Variants in PARPBP observed in about 807,000 individuals in gnomAD.
PARPBP encodes the protein PCNA-interacting partner.
Under a neutral mutation model 50.0 loss-of-function variants are expected in PARPBP, and 52 were observed. The ratio of observed to expected loss-of-function variants is 1.04; its 90% CI spans 0.83 to 1.31. The LOEUF is 1.31. PARPBP is among the 50% of genes most tolerant of loss of function. PARPBP has a pLI of 0.00. For synonymous variants in PARPBP, 244 were observed against 232.1 expected (o/e 1.05, Z -0.47); for missense variants, 697 against 672.0 (o/e 1.04, Z -0.41).
At chr12:102,188,178 G>C (rs1259595657) in intron 9 of PARPBP, among the ~76,000 whole-genome samples, 1 of 152,002 alleles carries the variant, frequency 6.6e-6, no homozygotes, top group South Asian at 2.1e-4. Context: ...GTAGTTGTGT[G>C]GGGAGGTAGG....
chr12:102,165,638 C>A, intron 5 of PARPBP, 91 bp from the exon 6 acceptor site: 1 of 1,019,160 alleles, frequency 9.8e-7, no homozygotes, highest in South Asian at 1.5e-5. Flanking sequence ...AACTGTATAC[C>A]CAGAATTATA....
intron 2 of PARPBP, among the ~76,000 whole-genome samples, chr12:102,138,929 C>A (rs1884106515): frequency 6.6e-6 from 1 of 152,164 alleles, no homozygotes; most frequent in Non-Finnish European, 1.5e-5. Context: ...CGTGATGCCT[C>A]CAGCTTTGTT....
chr12:102,128,449 T>A (rs993553403), intron 2 of PARPBP, among the ~76,000 whole-genome samples: 1 of 152,204 alleles, frequency 6.6e-6, no homozygotes, highest in African/African-American at 2.4e-5. Context: ...GCCAGGATGG[T>A]CTCGATTTCC....
chr12:102,183,011 A>C (rs899713610), intron 9 of PARPBP, among the ~76,000 whole-genome samples: 35 of 152,202 alleles, frequency 2.3e-4, no homozygotes, highest in African/African-American at 8.0e-4. Flanking sequence ...CTGAAGATAT[A>C]ATGGCAGAAT....
intron 2 of PARPBP, among the ~76,000 whole-genome samples, chr12:102,137,553 G>C (rs891524673): frequency 3.3e-5 from 5 of 151,172 alleles, no homozygotes; most frequent in Non-Finnish European, 5.9e-5. Context: ...TGTGCACAAC[G>C]TGCAGGTTTG....
At chr12:102,175,342 T>A (rs1264723181) in intron 6 of PARPBP, 141 bp from the exon 7 acceptor site, 1 of 490,296 alleles carries the variant, frequency 2.0e-6, no homozygotes, top group Non-Finnish European at 3.4e-6. Context: ...TATCTTTTTC[T>A]TAAATGCTTT....
chr12:102,168,366 A>G (rs1888361981), intron 6 of PARPBP, among the ~76,000 whole-genome samples: 1 of 152,154 alleles, frequency 6.6e-6, no homozygotes, highest in Non-Finnish European at 1.5e-5. Flanking sequence ...TATTTTGGAT[A>G]TTCCATGTGG....
chr12:102,160,472 A>G (rs1887443018), intron 4 of PARPBP, among the ~76,000 whole-genome samples: 1 of 152,242 alleles, frequency 6.6e-6, no homozygotes, highest in Non-Finnish European at 1.5e-5. Flanking sequence ...TACAATGTGA[A>G]TGTCACTTTT....
At chr12:102,134,575 G>A (rs957806266) in intron 2 of PARPBP, among the ~76,000 whole-genome samples, 1 of 152,186 alleles carries the variant, frequency 6.6e-6, no homozygotes, top group African/African-American at 2.4e-5. Flanking sequence ...GCATGCAGAA[G>A]GGGGAACACT....
intron 6 of PARPBP, among the ~76,000 whole-genome samples, chr12:102,171,626 G>GGAGGCC (rs1888742638): frequency 6.6e-6 from 1 of 152,062 alleles, no homozygotes; most frequent in Admixed American, 6.6e-5. Context: ...CAACACTTTG[G>GGAGGCC]GAGGCCGAGG....
At chr12:102,169,652 C>T (rs75086899) in intron 6 of PARPBP, among the ~76,000 whole-genome samples, 5,694 of 152,162 alleles carry the variant, frequency 0.037, 147 homozygotes, top group African/African-American at 0.069. Context: ...GACCTTTTCA[C>T]GTGTCACTGA....
At chr12:102,191,972 C>G (rs1890830078) in intron 9 of PARPBP, among the ~76,000 whole-genome samples, 1 of 152,106 alleles carries the variant, frequency 6.6e-6, no homozygotes, top group Admixed American at 6.6e-5. Context: ...AGATTTGCAA[C>G]AGGAAGTAAT....
At chr12:102,181,335 C>T (rs149195086) in intron 8 of PARPBP, among the ~76,000 whole-genome samples, 69 of 152,128 alleles carry the variant, frequency 4.5e-4, no homozygotes, top group African/African-American at 1.6e-3. Context: ...TTATAAAGTA[C>T]AGTTATGCAT....
At chr12:102,178,810 T>G in intron 8 of PARPBP, 40 bp downstream of exon 8, 2 of 1,278,874 alleles carry the variant, frequency 1.6e-6, no homozygotes. Flanking sequence ...AAATGTTAAC[T>G]CTAGAGAATT....
At chr12:102,141,757 C>G (rs962470350) in intron 2 of PARPBP, among the ~76,000 whole-genome samples, 58 of 152,240 alleles carry the variant, frequency 3.8e-4, no homozygotes, top group African/African-American at 1.4e-3. Context: ...CTTAGTTTGG[C>G]TGGCTATGAA....
At chr12:102,170,636 C>T (rs1191279973) in intron 6 of PARPBP, among the ~76,000 whole-genome samples, 1 of 152,184 alleles carries the variant, frequency 6.6e-6, no homozygotes, top group Non-Finnish European at 1.5e-5. Context: ...AGGCCTGGAA[C>T]ATTATTGTAA....
chr12:102,153,073 G>A (rs1015176253), intron 3 of PARPBP, among the ~76,000 whole-genome samples: 5 of 152,064 alleles, frequency 3.3e-5, no homozygotes, highest in Non-Finnish European at 5.9e-5. Context: ...AGATAGCACC[G>A]TTATTGTAGG....
At chr12:102,140,267 G>A (rs1884358022) in intron 2 of PARPBP, among the ~76,000 whole-genome samples, 1 of 152,184 alleles carries the variant, frequency 6.6e-6, no homozygotes, top group Admixed American at 6.5e-5. Context: ...TAGTTCATTT[G>A]CATAGAGGTG....
At chr12:102,171,460 GTTA>G (rs890096492) in intron 6 of PARPBP, among the ~76,000 whole-genome samples, 1 of 152,038 alleles carries the variant, frequency 6.6e-6, no homozygotes, top group African/African-American at 2.4e-5. Flanking sequence ...TGACTGTAAT[GTTA>G]TTATACAGCA....
Sources: allele counts gnomAD v4.1 joint callset (sites outside exome capture counted in the v4.1 genomes callset), GRCh38; gene constraint gnomAD v4.1.1; transcripts MANE v1.5; gene names NCBI Gene and HGNC (gene_info 2026-07-23, HGNC 2026-07-21).